The following CAPN10 variants were observed in gnomAD, a reference collection of about 807,000 sequenced individuals.
The protein encoded by CAPN10 is calpain 10.
CAPN10 carries 71 observed loss-of-function variants against 78.4 expected under a neutral mutation model. The observed-to-expected ratio is 0.91, with a 90% CI of 0.75 to 1.10. The LOEUF is 1.10. Ranked by LOEUF, CAPN10 falls within the 50% of genes least tolerant of loss-of-function variation. The pLI is 0.00. For missense variants in CAPN10, 849 were observed against 924.6 expected (o/e 0.92, Z 1.06); for synonymous variants, 437 against 407.2 (o/e 1.07, Z -0.88).
intron 9 of CAPN10, 22 bp from the exon 10 acceptor site, chr2:240,597,866 T>C: frequency 6.4e-7 from 1 of 1,566,688 alleles, no homozygotes; most frequent in Non-Finnish European, 8.6e-7. Flanking sequence ...GCCCCCTCAG[T>C]CTGAGCCTGC....
chr2:240,594,361 C>T, intron 5 of CAPN10, 182 bp from the exon 6 acceptor site: 1 of 688,366 alleles, frequency 1.5e-6, no homozygotes, highest in South Asian at 1.8e-5. Context: ...GTGGCCGCTG[C>T]CCAGAAGGCC....
intron 8 of CAPN10, 61 bp from the exon 9 acceptor site, chr2:240,596,620 T>TGGGAACTGAGGCCACCG (rs2093138536): frequency 2.0e-6 from 3 of 1,534,214 alleles, no homozygotes; most frequent in Middle Eastern, 1.9e-4. Context: ...GGTGTCCATG[T>TGGGAACTGAGGCCACCG]GGGAACTGAG....
chr2:240,597,922 C>T lies in CAPN10; in HGVS notation c.1778C>T (p.Pro593Leu), dbSNP rs762425976. The T allele has an allele frequency of 6.8e-6, 11 of 1,611,118 alleles. No individual in the cohort carries two copies. In the Admixed American group the frequency reaches 1.2e-4, roughly 17 times the overall value. ...GGTGGAAGGAGCCAGGACGCACCCC[C>T]ACTGCTGCTGCAGGAGCCGCTGCTG... Reference protein sequence around the residue: ...PEGGRSQDAPPLLLQEPLLSC... With the variant: ...PEGGRSQDAPLLLLQEPLLSC... Residue 593 changes from proline to leucine, a missense_variant, in exon 10 of 12, where the codon CCA becomes CTA. Transcript: ENST00000391984.
intron 3 of CAPN10, 94 bp downstream of exon 3, chr2:240,591,105 C>T (rs2093099173): frequency 3.5e-6 from 4 of 1,135,572 alleles, no homozygotes; most frequent in Non-Finnish European, 5.1e-6. Context: ...TCACTCTGGG[C>T]TGCAGAGCCC....
At chr2:240,590,147 C>G (rs2093092431) in intron 2 of CAPN10, 1 of 152,280 alleles carries the variant, frequency 6.6e-6, no homozygotes, top group African/African-American at 2.4e-5. Context: ...GCTAAAATCA[C>G]TGCCATTGTG....
chr2:240,594,577 G>A lies in CAPN10; in HGVS notation c.865G>A (p.Ala289Thr), dbSNP rs778711640. ...EGWSQVDAAV[A>T]SELLSQLQEG... ...GTGGAGCCAGGTAGATGCAGCGGTAGCATCTGAGCTCCTGTCCCAGCTCCA... is the reference window on the plus strand; with the variant it reads ...GTGGAGCCAGGTAGATGCAGCGGTAACATCTGAGCTCCTGTCCCAGCTCCA... Residue 289 changes from alanine (A) to threonine (T), a missense_variant, in exon 6 of 12, where the codon GCA (alanine) becomes ACA (threonine). Ala to Thr is a moderately conservative substitution (Grantham distance 58). Transcript: ENST00000391984. The A allele has an allele frequency of 4.3e-6, 7 of 1,613,892 alleles. No homozygotes were observed. The highest frequency in any genetic ancestry group is 5.9e-6 in the Non-Finnish European group (7 of 1,179,956).
At chr2:240,597,511 C>T (rs756916393) in intron 9 of CAPN10, among the ~76,000 whole-genome samples, 7 of 152,202 alleles carry the variant, frequency 4.6e-5, no homozygotes, top group South Asian at 2.1e-4. Context: ...CTGCAACCCT[C>T]GGTTCACAGT....
intron 10 of CAPN10, 96 bp downstream of exon 10, chr2:240,598,183 C>T (rs2093149658): frequency 4.5e-6 from 6 of 1,346,032 alleles, no homozygotes; most frequent in Admixed American, 1.9e-5. Context: ...TGCCCCTCAC[C>T]CTCAAGCCCC....
At chr2:240,594,951 T>C in intron 6 of CAPN10, 73 bp from the exon 7 acceptor site, 1 of 1,524,518 alleles carries the variant, frequency 6.6e-7, no homozygotes, top group Non-Finnish European at 9.0e-7. Context: ...CTGCCAGGGT[T>C]CATGAGGCCA....
intron 3 of CAPN10, chr2:240,591,694 C>T (rs2093102865): frequency 1.8e-6 from 1 of 568,268 alleles, no homozygotes; most frequent in African/African-American, 1.9e-5. Context: ...ACACCGGATG[C>T]CAGAGAGTTT....
chr2:240,597,982 G>A lies in CAPN10; in HGVS notation c.1838G>A (p.Ser613Asn), dbSNP rs146148004. 1,547 of 1,613,080 alleles carry A rather than the reference G, an allele frequency of 9.6e-4. 1 individual carries two copies. The highest frequency in any genetic ancestry group is 1.1e-3 in the Non-Finnish European group (1,272 of 1,179,946). Reference sequence around the variant, plus strand: ...CCACATCGCTACGCCCAGGAGGTGAGCCGGCTCTGCCTCCTGCCTGCGGGC... The same window carrying A: ...CCACATCGCTACGCCCAGGAGGTGAACCGGCTCTGCCTCCTGCCTGCGGGC... ...CVPHRYAQEVSRLCLLPAGTY... is the reference protein window; with the variant it reads ...CVPHRYAQEVNRLCLLPAGTY... The change falls in exon 10 of 12, where the codon AGC becomes AAC. Residue 613 changes from serine (S) to asparagine (N), a missense_variant. Ser to Asn is a conservative substitution (Grantham distance 46). Transcript: ENST00000391984.
Position 240,596,768 on chromosome 2 carries a change from G to A in CAPN10, c.1569G>A (p.Trp523Ter), listed in dbSNP as rs1313058230. The change falls in exon 9 of 12, where the codon TGG (tryptophan) becomes TGA (stop). Residue 523 changes from tryptophan (W) to a stop codon, truncating the protein, a stop_gained. Transcript: ENST00000391984. LOFTEE classifies it high-confidence loss of function. ...EWGTVQLRGS[W>*]RVGQTAGGSR... ...GGACCGTGCAGCTACGGGGTTCTTG[G>A]AGAGTCGGCCAGACGGCGGGGGGCA... The A allele has an allele frequency of 1.9e-6, 3 of 1,611,770 alleles. No individual in the cohort carries two copies. The highest frequency in any genetic ancestry group is 1.7e-6 in the Non-Finnish European group (2 of 1,179,246).
At chr2:240,587,769 A>T (rs1210458340) in intron 1 of CAPN10, among the ~76,000 whole-genome samples, 1 of 152,234 alleles carries the variant, frequency 6.6e-6, no homozygotes, top group Non-Finnish European at 1.5e-5. Context: ...GGGTCAGACC[A>T]TGTAGAGCCT....
rs369247221 is a variant in CAPN10 at position 240,592,114 on chromosome 2, T to C, written c.652T>C (p.Cys218Arg). Residue 218 changes from cysteine (C) to arginine (R), a missense_variant, in exon 4 of 12, where the codon TGT (cysteine) becomes CGT (arginine). By Grantham distance (180) the Cys-to-Arg change is radical. Transcript: ENST00000391984. ...GCAGCTGCTCCACCTGAAGGACCAG[T>C]GTCTGATCAGCTGCTGCGTGCTCAG... ...CRQLLHLKDQ[C>R]LISCCVLSPR... is the part of the protein sequence containing the mutation. 1.8e-4 allele frequency: 279 copies of C among 1,584,218 alleles called. 1 individual carries two copies. Among genetic ancestry groups the C allele is most frequent in the Non-Finnish European group, 2.3e-4 (268 of 1,166,650 alleles).
chr2:240,586,992 C>T lies in CAPN10; in HGVS notation c.81C>T (p.Phe27=), dbSNP rs1276294435. The part of the protein sequence containing the change: ...AAFPAADSSL[F]CDLSTPLAQF... ...TCCCCGCCGCGGACTCCTCGCTCTT[C>T]TGCGACTTGTCTACGCCGCTGGCCC... is the stretch of plus-strand genomic sequence containing the variant. The change falls in exon 1 of 12, where the codon TTC becomes TTT. Residue 27 remains phenylalanine (F), a synonymous_variant. Coordinates refer to ENST00000391984, the MANE Select transcript of CAPN10 (RefSeq NM_023083.4). 6.7e-7 allele frequency: 1 copy of T among 1,487,250 alleles called. No homozygotes were observed. Among genetic ancestry groups the T allele is most frequent in the Non-Finnish European group, 8.9e-7 (1 of 1,118,052 alleles). 92.1% of individuals were successfully genotyped at this position (1,487,250 alleles called of 1,614,324 possible).
chr2:240,598,820 G>A lies in CAPN10; in HGVS notation c.*140G>A, dbSNP rs1444072611. 1.4e-5 allele frequency: 11 copies of A among 775,364 alleles called. No individual in the cohort carries two copies. Among genetic ancestry groups the A allele is most frequent in the Admixed American group, 2.3e-5 (1 of 42,614 alleles). 48.0% of individuals were successfully genotyped at this position (775,364 alleles called of 1,614,324 possible). A position where few individuals can be genotyped will look rare whatever the true frequency, so the allele number is the denominator to read the frequency against. On this transcript the variant is annotated 3_prime_UTR_variant, in exon 12 of 12. Transcript: ENST00000391984. The stretch of plus-strand genomic sequence containing the variant: ...CTCCCAGCCCTGCCAGGAGGCTGCG[G>A]CCTAGGGGTCCACGGGAAGCCTCCG...
chr2:240,598,083 G>GAT lies in CAPN10; in HGVS notation c.1940_1941insTA (p.Arg648ThrfsTer23). ...CACAGTGACCATCGCAACCAGGATT[G>GAT]ACAGGTGGGGCTCTGGGACTTGGGG... On this transcript the variant is annotated frameshift_variant, in exon 10 of 12. Transcript: ENST00000391984. LOFTEE classifies it high-confidence loss of function. 6.2e-7 allele frequency: 1 copy of GAT among 1,605,382 alleles called. No homozygotes were observed. Among genetic ancestry groups the GAT allele is most frequent in the Non-Finnish European group, 8.5e-7 (1 of 1,173,842 alleles).
At chr2:240,594,294 C>T in intron 5 of CAPN10, 1 of 596,368 alleles carries the variant, frequency 1.7e-6, no homozygotes, top group Non-Finnish European at 2.9e-6. Context: ...GGGCAGCAGT[C>T]CTGGGAAGAC....
In CAPN10 at chr2:240,595,054, C is replaced by T. The variant is rs182758984; in HGVS notation, c.1028C>T (p.Pro343Leu). ...ERLLCHTRAL[P>L]GAWVKGQSAG... ...CTGCTCTGCCATACGCGGGCGCTGC[C>T]TGGGGCCTGGGTCAAGGGCCAGTCA... The change falls in exon 7 of 12, where the codon CCT becomes CTT. Residue 343 changes from proline (P) to leucine (L), a missense_variant. By Grantham distance (98) the Pro-to-Leu change is moderately conservative (BLOSUM62 -3). Transcript: ENST00000391984. The T allele has an allele frequency of 4.3e-6, 7 of 1,613,378 alleles. No homozygotes were observed. The highest frequency in any genetic ancestry group is 4.0e-5 in the African/African-American group (3 of 75,060).
Sources: gnomAD v4.1 joint callset for allele counts (sites outside exome capture counted in the v4.1 genomes callset) on GRCh38, gnomAD v4.1.1 for gene constraint, MANE v1.5 for transcripts, NCBI Gene and HGNC (gene_info 2026-07-23, HGNC 2026-07-21) for gene names.